The following SRGAP2C variants were observed in gnomAD, a reference collection of about 807,000 sequenced individuals.
SRGAP2C encodes the protein SLIT-ROBO Rho GTPase-activating protein 2C.
SRGAP2C carries 15 observed loss-of-function variants against 25.1 expected under a neutral mutation model. The ratio of observed to expected loss-of-function variants is 0.60; its 90% CI spans 0.40 to 0.92. The LOEUF is 0.92. Ranked by LOEUF, SRGAP2C falls within the 40% of genes least tolerant of loss-of-function variation. The pLI is 0.00. For synonymous variants in SRGAP2C, 44 were observed against 96.6 expected (o/e 0.46, Z 3.19); for missense variants, 144 against 264.4 (o/e 0.54, Z 3.16).
At chr1:121,259,772 A>C (rs1357782030) in intron 2 of SRGAP2C, among the ~76,000 whole-genome samples, 1 of 150,570 alleles carries the variant, frequency 6.6e-6, no homozygotes, top group Non-Finnish European at 1.5e-5. Context: ...AAGTACAGTA[A>C]GGAGCATCAA....
chr1:121,191,579 C>A (rs1170093758), intron 2 of SRGAP2C, among the ~76,000 whole-genome samples: 1 of 148,574 alleles, frequency 6.7e-6, no homozygotes, highest in Non-Finnish European at 1.5e-5. Context: ...CCTTTGGCCT[C>A]TAGCCTGTTA....
intron 2 of SRGAP2C, among the ~76,000 whole-genome samples, chr1:121,249,576 ATATAT>A (rs1338414883): frequency 4.6e-4 from 10 of 21,514 alleles, no homozygotes; most frequent in African/African-American, 1.1e-3. Context: ...ATATATATAT[ATATAT>A]TTTTTTTTTT....
At chr1:121,202,714 A>C (rs1350326358) in intron 2 of SRGAP2C, among the ~76,000 whole-genome samples, 1 of 152,104 alleles carries the variant, frequency 6.6e-6, no homozygotes, top group Admixed American at 6.5e-5. Flanking sequence ...GGCGTGAGCC[A>C]CCGTACCTGG....
chr1:121,306,104 T>C (rs1387631712), intron 3 of SRGAP2C, among the ~76,000 whole-genome samples: 3 of 152,286 alleles, frequency 2.0e-5, no homozygotes, highest in South Asian at 4.1e-4. Context: ...GGCTGGGACC[T>C]CTGTGTCTGT....
At chr1:121,270,116 T>C (rs1259074940) in intron 2 of SRGAP2C, among the ~76,000 whole-genome samples, 1 of 141,702 alleles carries the variant, frequency 7.1e-6, no homozygotes, top group Non-Finnish European at 1.5e-5. Flanking sequence ...GCAAGATTTC[T>C]GTTTCTCAAG....
At chr1:121,225,670 T>A (rs1373542904) in intron 2 of SRGAP2C, among the ~76,000 whole-genome samples, 1 of 148,374 alleles carries the variant, frequency 6.7e-6, no homozygotes, top group Non-Finnish European at 1.5e-5. Flanking sequence ...TTACCCTAAA[T>A]GCTTATTATT....
intron 7 of SRGAP2C, among the ~76,000 whole-genome samples, chr1:121,375,882 T>G (rs1486383447): frequency 6.6e-6 from 1 of 151,612 alleles, no homozygotes; most frequent in African/African-American, 2.4e-5. Flanking sequence ...ATTAGGGTCC[T>G]GTCAGGAAGG....
intron 2 of SRGAP2C, among the ~76,000 whole-genome samples, chr1:121,212,693 AACC>A (rs1193490123): frequency 6.6e-6 from 1 of 151,318 alleles, no homozygotes; most frequent in Non-Finnish European, 1.5e-5. Flanking sequence ...CTGGGTACAA[AACC>A]ACCTATTGGG....
In SRGAP2C at chr1:121,202,430, T is replaced by A. The variant is rs1226016170; in HGVS notation, c.67+14917T>A. On this transcript the variant is annotated intron_variant, in intron 2 of 9. Coordinates refer to ENST00000367123, the MANE Select transcript of SRGAP2C (RefSeq NM_001329984.2). ...TTTATTTAGCACCTACTGTATGTTGTCTTTTTTTTTTTTTTTGAGGCAGAG... is the reference window on the plus strand; with the variant it reads ...TTTATTTAGCACCTACTGTATGTTGACTTTTTTTTTTTTTTTGAGGCAGAG... Among the ~76,000 whole-genome samples, 3 of 139,788 alleles carry A rather than the reference T, an allele frequency of 2.1e-5. No homozygotes were observed. The East Asian group carries it at 5.8e-4, about 27-fold the overall frequency. The allele number at this position is 139,788 out of a possible 152,430, so 91.7% of individuals were successfully genotyped here.
intron 3 of SRGAP2C, among the ~76,000 whole-genome samples, chr1:121,314,714 G>T (rs1400961616): frequency 1.3e-5 from 2 of 151,160 alleles, no homozygotes; most frequent in Non-Finnish European, 2.9e-5. Context: ...CCCTGCTGGG[G>T]GGTGCCTCCC....
At chr1:121,289,420 C>T (rs1310030376) in intron 3 of SRGAP2C, among the ~76,000 whole-genome samples, 23 of 152,018 alleles carry the variant, frequency 1.5e-4, no homozygotes, top group Admixed American at 6.5e-4. Context: ...ACCAAGCCCA[C>T]GCCCACCCGG....
At chr1:121,270,878 C>T (rs1235991866) in intron 2 of SRGAP2C, among the ~76,000 whole-genome samples, 13 of 150,556 alleles carry the variant, frequency 8.6e-5, no homozygotes, top group Admixed American at 7.3e-4. Flanking sequence ...CTGCAAGCTC[C>T]GCCTCCCGGG....
At chr1:121,364,315 TTTTC>T (rs1659272902) in intron 4 of SRGAP2C, among the ~76,000 whole-genome samples, 1 of 138,718 alleles carries the variant, frequency 7.2e-6, no homozygotes, top group East Asian at 2.1e-4. Flanking sequence ...TTTCCTTTTC[TTTTC>T]TTTTCTTTTT....
At chr1:121,263,700 C>T (rs1468560663) in intron 2 of SRGAP2C, among the ~76,000 whole-genome samples, 1 of 151,620 alleles carries the variant, frequency 6.6e-6, no homozygotes, top group Admixed American at 6.6e-5. Context: ...GTTTTAATGT[C>T]TTTCATTTGG....
intron 2 of SRGAP2C, among the ~76,000 whole-genome samples, chr1:121,248,547 C>T (rs1201107027): frequency 5.9e-3 from 861 of 146,568 alleles, no homozygotes; most frequent in African/African-American, 0.02. Flanking sequence ...CCCGGGTTCA[C>T]GCCATTCTCC....
intron 2 of SRGAP2C, among the ~76,000 whole-genome samples, chr1:121,249,570 ATATATATATATTTTTTT>A (rs1383584898): frequency 8.2e-4 from 28 of 33,954 alleles, no homozygotes; most frequent in African/African-American, 3.4e-3. Context: ...ATATATATAT[ATATATATATATTTTTTT>A]TTTTTTTTTT....
At chr1:121,334,468 G>A (rs1658470060) in intron 4 of SRGAP2C, among the ~76,000 whole-genome samples, 1 of 150,292 alleles carries the variant, frequency 6.7e-6, no homozygotes, top group Non-Finnish European at 1.5e-5. Context: ...TTGTTTGTTT[G>A]TTTGTTTGTT....
At chr1:121,268,534 G>T (rs1656862977) in intron 2 of SRGAP2C, among the ~76,000 whole-genome samples, 3 of 148,296 alleles carry the variant, frequency 2.0e-5, no homozygotes, top group Non-Finnish European at 3.0e-5. Context: ...AGCTACCACA[G>T]CAATTCAGAA....
At chr1:121,249,574 ATATATATTTTTTTTT>A (rs1656302629) in intron 2 of SRGAP2C, among the ~76,000 whole-genome samples, 5 of 20,516 alleles carry the variant, frequency 2.4e-4, no homozygotes, top group African/African-American at 9.4e-4. Context: ...ATATATATAT[ATATATATTTTTTTTT>A]TTTTTTTTTA....
Sources: allele counts gnomAD v4.1 joint callset (sites outside exome capture counted in the v4.1 genomes callset), GRCh38; gene constraint gnomAD v4.1.1; transcripts MANE v1.5; gene names NCBI Gene and HGNC (gene_info 2026-07-23, HGNC 2026-07-21).